Variants in REXO5 observed in about 807,000 individuals in gnomAD.
REXO5 encodes the protein RNA exonuclease 5.
Under a neutral mutation model 88.5 loss-of-function variants are expected in REXO5, and 48 were observed. The observed-to-expected ratio is 0.54, with a 90% CI of 0.43 to 0.69. The LOEUF is 0.69. Ranked by LOEUF, REXO5 falls within the 30% of genes least tolerant of loss-of-function variation. The pLI is 0.00. For synonymous variants in REXO5, 311 were observed against 336.5 expected (o/e 0.92, Z 0.83); for missense variants, 749 against 912.2 (o/e 0.82, Z 2.30).
At chr16:20,827,853 C>T (rs934002962) in intron 10 of REXO5, among the ~76,000 whole-genome samples, 1 of 152,050 alleles carries the variant, frequency 6.6e-6, no homozygotes, top group Non-Finnish European at 1.5e-5. Context: ...TTATGGTTAT[C>T]TGTATTATTG....
chr16:20,835,213 C>T (rs1175594867), intron 13 of REXO5, among the ~76,000 whole-genome samples: 1 of 151,940 alleles, frequency 6.6e-6, no homozygotes, highest in Non-Finnish European at 1.5e-5. Flanking sequence ...ATCTCAAACT[C>T]CTGGCCTCAA....
Position 20,830,281 on chromosome 16 carries a change from G to A in REXO5, c.1158+1744G>A, listed in dbSNP as rs780318252. Reference sequence around the variant, plus strand: ...TCTTCACTGCAGCCTCTGCCTCCCCGGTTCAAGTGATTCTCCTGCCTCAGC... The same window carrying A: ...TCTTCACTGCAGCCTCTGCCTCCCCAGTTCAAGTGATTCTCCTGCCTCAGC... On this transcript the variant is annotated intron_variant, in intron 11 of 19. Transcript: ENST00000261377. 5.3e-5 allele frequency among the ~76,000 whole-genome samples: 8 copies of A among 152,116 alleles called. No individual in the cohort carries two copies. In the East Asian group the frequency reaches 5.8e-4, roughly 11 times the overall value.
intron 2 of REXO5, 35 bp from the exon 3 acceptor site, chr16:20,813,155 A>G (rs370828823): frequency 2.7e-5 from 38 of 1,393,166 alleles, no homozygotes; most frequent in Middle Eastern, 1.8e-4. Flanking sequence ...TTGATAACCA[A>G]TAATGGCTTG....
chr16:20,819,224 T>A (rs2081128245), intron 5 of REXO5, among the ~76,000 whole-genome samples: 1 of 152,170 alleles, frequency 6.6e-6, no homozygotes, highest in South Asian at 2.1e-4. Flanking sequence ...CATATCTTTA[T>A]AATAGAATGA....
chr16:20,833,197 T>C, intron 13 of REXO5, 74 bp downstream of exon 13: 4 of 1,457,838 alleles, frequency 2.7e-6, no homozygotes, highest in Non-Finnish European at 3.7e-6. Flanking sequence ...CCCATGCCAG[T>C]GTCAAGCTTT....
At chr16:20,843,553 A>G (rs1187190804) in intron 15 of REXO5, among the ~76,000 whole-genome samples, 1 of 152,258 alleles carries the variant, frequency 6.6e-6, no homozygotes, top group East Asian at 1.9e-4. Flanking sequence ...ACAAACAGAA[A>G]AGCAGACCAT....
intron 19 of REXO5, 32 bp downstream of exon 19, chr16:20,846,371 T>A: frequency 6.6e-7 from 1 of 1,521,522 alleles, no homozygotes. Context: ...CCTTCAGGAC[T>A]CTGTCCCCTG....
At position 20,833,051 on chromosome 16, in the gene REXO5, C is replaced by T. The variant is rs1327822738; in HGVS notation, c.1311C>T (p.Thr437=). ...DSVGQKLLFL[T]RETDAGELPS... ...TGGGTCAGAAGCTTCTTTTTTTGAC[C>T]CGGGAGACAGATGCTGGTGAACTTC... The change falls in exon 13 of 20, where the codon ACC becomes ACT. Residue 437 remains threonine, a synonymous_variant. Transcript: ENST00000261377. 3.1e-6 allele frequency: 5 copies of T among 1,612,922 alleles called. No homozygotes were observed. The highest frequency in any genetic ancestry group is 4.2e-6 in the Non-Finnish European group (5 of 1,179,392).
Position 20,815,023 on chromosome 16 carries a change from G to A in REXO5, c.348G>A (p.Glu116=), listed in dbSNP as rs1400056452. The A allele has an allele frequency of 6.2e-7, 1 of 1,613,406 alleles. No individual in the cohort carries two copies. Among genetic ancestry groups the A allele is most frequent in the South Asian group, 1.1e-5 (1 of 90,946 alleles). The change falls in exon 4 of 20, where the codon GAG becomes GAA. Residue 116 remains glutamate, a synonymous_variant. Coordinates refer to ENST00000261377, the MANE Select transcript of REXO5 (RefSeq NM_030941.3). The part of the protein sequence containing the change: ...SQLHFYRFYL[E]FGCLRKAFRH... ...TACACTTTTACAGGTTCTATTTGGAGTTTGGATGTCTTCGAAAAGCATTCA... is the reference window on the plus strand; with the variant it reads ...TACACTTTTACAGGTTCTATTTGGAATTTGGATGTCTTCGAAAAGCATTCA...
Position 20,806,860 on chromosome 16 carries a change from G to C in REXO5, c.-2-92G>C, listed in dbSNP as rs749670311. The C allele has an allele frequency of 1.8e-4, 263 of 1,488,518 alleles. 2 individuals are homozygous for C. Among genetic ancestry groups the C allele is most frequent in the Non-Finnish European group, 3.1e-5 (35 of 1,115,804 alleles). The allele number at this position is 1,488,518 out of a possible 1,614,324, so 92.2% of individuals were successfully genotyped here. ...GCGGATCCGAGGGAGGTTGAAAGCT[G>C]TCAAGCCCGTGTAGCTCTCCCGCTA... On this transcript the variant is annotated intron_variant, in intron 1 of 19. Transcript: ENST00000261377.
intron 2 of REXO5, among the ~76,000 whole-genome samples, chr16:20,808,328 T>C (rs1411177605): frequency 3.3e-5 from 5 of 152,178 alleles, no homozygotes; most frequent in African/African-American, 1.2e-4. Flanking sequence ...CATTGGGCTT[T>C]TTTGTTTGTT....
intron 12 of REXO5, 43 bp from the exon 13 acceptor site, chr16:20,832,960 G>A: frequency 1.9e-6 from 3 of 1,576,802 alleles, no homozygotes; most frequent in South Asian, 1.1e-5. Context: ...GTCAGGTTCT[G>A]GAAAACTGTT....
Position 20,840,350 on chromosome 16 carries a change from A to C in REXO5, c.1508A>C (p.Glu503Ala), listed in dbSNP as rs2081507213. The change falls in exon 15 of 20, where the codon GAG (glutamate) becomes GCG (alanine). Residue 503 changes from glutamate to alanine, a missense_variant. Transcript: ENST00000261377. ...MNKRMRIKWT[E>A]ISTVYAGPFS... ...CTACAGATGAGGATCAAGTGGACAG[A>C]GATATCAACTGTCTATGCTGGGCCA... 2 of 1,554,396 alleles carry C rather than the reference A, an allele frequency of 1.3e-6. No homozygotes were observed.
At chr16:20,806,493 C>T, upstream of REXO5, 1 of 1,547,458 alleles carries the variant, frequency 6.5e-7, no homozygotes, top group Non-Finnish European at 8.7e-7. Flanking sequence ...TACTTCCGGT[C>T]CGTTCAAAAA....
chr16:20,847,551 A>G (rs1002559705), intron 19 of REXO5, among the ~76,000 whole-genome samples: 7 of 152,156 alleles, frequency 4.6e-5, no homozygotes, highest in Admixed American at 2.6e-4. Flanking sequence ...TTCTTATAAC[A>G]TGCATCTGAG....
rs779046523 is a variant in REXO5 at position 20,814,953 on chromosome 16, A to G, written c.278A>G (p.His93Arg). 3 of 1,613,432 alleles carry G rather than the reference A, an allele frequency of 1.9e-6. No homozygotes were observed. The highest frequency in any genetic ancestry group is 2.5e-6 in the Non-Finnish European group (3 of 1,179,804). The change falls in exon 4 of 20, where the codon CAC becomes CGC. Residue 93 changes from histidine to arginine, a missense_variant. Coordinates refer to ENST00000261377, the MANE Select transcript of REXO5 (RefSeq NM_030941.3). ...TGGTGCCAGCTTTTTCATCAAAACC[A>G]CCTAAACAACGTAGTGGTTTTTGTT... ...PSWCQLFHQN[H>R]LNNVVVFVLQ...
rs1184859928 is a variant in REXO5, at chr16:20,830,926, A to AT, written c.1159-1229dup. Among the ~76,000 whole-genome samples the AT allele has an allele frequency of 6.6e-5, 10 of 151,966 alleles. No individual in the cohort carries two copies. In the East Asian group the frequency reaches 1.7e-3, roughly 26 times the overall value. ...ATATTAGAAATTAAATAAATTTTTA[A>AT]TATTAGTTTAAGATAAATAAAAAGC... On this transcript the variant is annotated intron_variant, in intron 11 of 19. Transcript: ENST00000261377.
At chr16:20,848,968 T>C (rs1240758149) in intron 19 of REXO5, among the ~76,000 whole-genome samples, 2 of 152,220 alleles carry the variant, frequency 1.3e-5, no homozygotes, top group Non-Finnish European at 2.9e-5. Flanking sequence ...GCAAGTCATA[T>C]AATGTCTATG....
At chr16:20,813,449 T>C (rs1462134841) in intron 3 of REXO5, 147 bp downstream of exon 3, 2 of 542,472 alleles carry the variant, frequency 3.7e-6, no homozygotes, top group Non-Finnish European at 6.4e-6. Context: ...ATGTCCTGAA[T>C]TTTTTATGAT....
Sources: gnomAD v4.1 joint callset for allele counts (sites outside exome capture counted in the v4.1 genomes callset) on GRCh38, gnomAD v4.1.1 for gene constraint, MANE v1.5 for transcripts, NCBI Gene and HGNC (gene_info 2026-07-23, HGNC 2026-07-21) for gene names.